The following GABRG3 variants were observed in gnomAD, a reference collection of about 807,000 sequenced individuals.
The protein encoded by GABRG3 is gamma-aminobutyric acid type A receptor subunit gamma3.
GABRG3 carries 25 observed loss-of-function variants against 48.8 expected under a neutral mutation model. That is an observed-to-expected ratio of 0.51 (90% CI 0.37 to 0.72). GABRG3 has a LOEUF of 0.72. Among genes scored for constraint, GABRG3 ranks in the 30% least tolerant of loss-of-function variants. GABRG3 has a pLI of 0.00. For missense variants in GABRG3, 394 were observed against 577.9 expected (o/e 0.68, Z 3.26); for synonymous variants, 227 against 217.6 (o/e 1.04, Z -0.38).
At chr15:27,176,905 C>T (rs1887763513) in intron 3 of GABRG3, among the ~76,000 whole-genome samples, 2 of 152,176 alleles carry the variant, frequency 1.3e-5, no homozygotes, top group South Asian at 4.2e-4. Flanking sequence ...AGATGCTGAA[C>T]TCACTGTCTA....
chr15:27,509,016 G>A (rs1222228954), intron 6 of GABRG3, among the ~76,000 whole-genome samples: 1 of 152,014 alleles, frequency 6.6e-6, no homozygotes, highest in Non-Finnish European at 1.5e-5. Context: ...ACCGTGCCCG[G>A]CTGAATTCCC....
At chr15:27,225,694 T>C (rs1889591222) in intron 3 of GABRG3, among the ~76,000 whole-genome samples, 1 of 151,964 alleles carries the variant, frequency 6.6e-6, no homozygotes, top group South Asian at 2.1e-4. Flanking sequence ...TGAGGGACTT[T>C]GTAGCCTGTC....
At position 26,976,240 on chromosome 15, in the gene GABRG3, T is replaced by C. The variant is rs1894941638; in HGVS notation, c.54-762T>C. On this transcript the variant is annotated intron_variant, in intron 1 of 9. Coordinates refer to ENST00000615808, the MANE Select transcript of GABRG3 (RefSeq NM_033223.5). The surrounding 1 kb of genome is among the most constrained non-coding windows in gnomAD (Gnocchi z 7.8). Reference sequence around the variant, plus strand: ...CAGCTCCTCCCTGCACAAAACAAGCTCAGAGATGCCCAGGCATTCACTGAG... The same window carrying C: ...CAGCTCCTCCCTGCACAAAACAAGCCCAGAGATGCCCAGGCATTCACTGAG... Among the ~76,000 whole-genome samples, 1 of 152,020 alleles carries C rather than the reference T, an allele frequency of 6.6e-6. No homozygotes were observed. Among genetic ancestry groups the C allele is most frequent in the African/African-American group, 2.4e-5 (1 of 41,384 alleles).
intron 5 of GABRG3, among the ~76,000 whole-genome samples, chr15:27,417,735 T>C (rs76853506): frequency 6.6e-6 from 1 of 152,164 alleles, no homozygotes; most frequent in East Asian, 1.9e-4. Context: ...GTATTTTTCG[T>C]TTTTCCCCTT....
intron 5 of GABRG3, among the ~76,000 whole-genome samples, chr15:27,437,936 C>G (rs572646929): frequency 6.6e-6 from 1 of 152,194 alleles, no homozygotes; most frequent in East Asian, 1.9e-4. Flanking sequence ...TTTAAACAAC[C>G]AGCTCTCTCC....
chr15:27,291,804 C>A lies in GABRG3; in HGVS notation c.271-35005C>A, dbSNP rs79951600. ...ATGTGTCTACACACTGTTGGATCAG[C>A]TCTCCAATAGAGAGAAGAGCCTAGT... On this transcript the variant is annotated intron_variant, in intron 3 of 9. Coordinates refer to ENST00000615808, the MANE Select transcript of GABRG3 (RefSeq NM_033223.5). Among the ~76,000 whole-genome samples, 492 of 152,302 alleles carry A rather than the reference C, an allele frequency of 3.2e-3. 1 individual carries two copies. The highest frequency in any genetic ancestry group is 6.1e-3 in the Non-Finnish European group (418 of 68,030).
chr15:27,123,344 C>T (rs895259303), intron 3 of GABRG3, among the ~76,000 whole-genome samples: 1 of 152,014 alleles, frequency 6.6e-6, no homozygotes, highest in East Asian at 1.9e-4. Flanking sequence ...GGAAGTGGGG[C>T]CTTTGGGAGG....
At chr15:27,176,748 T>G (rs1308204171) in intron 3 of GABRG3, among the ~76,000 whole-genome samples, 1 of 152,070 alleles carries the variant, frequency 6.6e-6, no homozygotes, top group Admixed American at 6.5e-5. Context: ...GAGGCTGGCA[T>G]GGGGGCTTTT....
chr15:27,275,785 A>C (rs1891231664), intron 3 of GABRG3, among the ~76,000 whole-genome samples: 1 of 152,242 alleles, frequency 6.6e-6, no homozygotes, highest in African/African-American at 2.4e-5. Context: ...TAAAATCACC[A>C]AGAGAAATGT....
At chr15:27,386,433 CT>C (rs1895923425) in intron 5 of GABRG3, among the ~76,000 whole-genome samples, 1 of 152,062 alleles carries the variant, frequency 6.6e-6, no homozygotes, top group Non-Finnish European at 1.5e-5. Flanking sequence ...GGCTGATCAG[CT>C]TTTTCTTACT....
At chr15:27,062,628 AAAAC>A (rs941812132) in intron 3 of GABRG3, among the ~76,000 whole-genome samples, 4 of 151,770 alleles carry the variant, frequency 2.6e-5, no homozygotes, top group African/African-American at 7.3e-5. Context: ...CAAACCAACA[AAAAC>A]AAAAAACAAA....
chr15:27,047,061 G>C (rs1181717896), intron 3 of GABRG3, among the ~76,000 whole-genome samples: 1 of 152,190 alleles, frequency 6.6e-6, no homozygotes, highest in South Asian at 2.1e-4. Flanking sequence ...TCAGTTGCTT[G>C]CTCAGCTAGT....
At chr15:27,311,233 G>A (rs1487150611) in intron 3 of GABRG3, among the ~76,000 whole-genome samples, 4 of 152,150 alleles carry the variant, frequency 2.6e-5, no homozygotes, top group Non-Finnish European at 4.4e-5. Flanking sequence ...TGCACCCTAG[G>A]TGAGCACAAA....
chr15:27,201,127 C>G (rs565723839), intron 3 of GABRG3, among the ~76,000 whole-genome samples: 1 of 152,022 alleles, frequency 6.6e-6, no homozygotes. Flanking sequence ...TTTGATTTCT[C>G]AAGAAGACTT....
At chr15:27,418,706 T>C (rs1252646225) in intron 5 of GABRG3, 1 of 152,228 alleles carries the variant, frequency 6.6e-6, no homozygotes, top group Non-Finnish European at 1.5e-5. Flanking sequence ...ATAATAATTT[T>C]TAAAGCCATT....
chr15:27,003,930 G>A (rs1381175569), intron 2 of GABRG3, among the ~76,000 whole-genome samples: 8 of 149,800 alleles, frequency 5.3e-5, no homozygotes, highest in African/African-American at 7.4e-5. Flanking sequence ...AGGGGCGGCC[G>A]GGCAGAGGCG....
chr15:27,428,924 C>CA (rs1156713551), intron 5 of GABRG3, among the ~76,000 whole-genome samples: 2 of 152,162 alleles, frequency 1.3e-5, no homozygotes, highest in African/African-American at 4.8e-5. Flanking sequence ...CTAAACCTCT[C>CA]AGAGTTTACA....
At chr15:27,077,666 A>T (rs1398836977) in intron 3 of GABRG3, among the ~76,000 whole-genome samples, 3 of 152,192 alleles carry the variant, frequency 2.0e-5, no homozygotes, top group Non-Finnish European at 4.4e-5. Flanking sequence ...AAATTGGGTA[A>T]AGATGGAAGC....
chr15:26,991,514 G>T (rs1895247488), intron 2 of GABRG3, among the ~76,000 whole-genome samples: 1 of 152,008 alleles, frequency 6.6e-6, no homozygotes, highest in Admixed American at 6.6e-5. Context: ...ATTGCTTTGG[G>T]TAGTATAGAC....
Sources: allele counts gnomAD v4.1 joint callset (sites outside exome capture counted in the v4.1 genomes callset), GRCh38; gene constraint gnomAD v4.1.1; non-coding constraint Gnocchi (gnomAD v3.1); transcripts MANE v1.5; gene names NCBI Gene and HGNC (gene_info 2026-07-23, HGNC 2026-07-21).